The following NRXN1 variants were observed in gnomAD, a reference collection of about 807,000 sequenced individuals.
The protein encoded by NRXN1 is neurexin 1.
In NRXN1, 39 loss-of-function variants were observed where a neutral mutation model predicts 150.9. That is an observed-to-expected ratio of 0.26 (90% CI 0.20 to 0.34). The LOEUF is 0.34. NRXN1 is among the 10% of genes least tolerant of loss of function. The probability of loss-of-function intolerance (pLI) is 1.00; values close to 1 mark genes in which losing one functional copy is unlikely to be tolerated. For missense variants in NRXN1, 1,815 were observed against 1,949.9 expected, an observed-to-expected ratio of 0.93 and a Z score of 1.30; for synonymous variants, 924 against 757.0, an observed-to-expected ratio of 1.22 and a Z score of -3.62.
chr2:50,321,021 GGATT>G (rs1297530540), intron 17 of NRXN1, among the ~76,000 whole-genome samples: 1 of 152,116 alleles, frequency 6.6e-6, no homozygotes. Context: ...CAGGCATTCA[GGATT>G]GATTATTAAC....
chr2:50,402,354 T>G (rs1424757712), intron 17 of NRXN1, among the ~76,000 whole-genome samples: 1 of 152,070 alleles, frequency 6.6e-6, no homozygotes, highest in African/African-American at 2.4e-5. Context: ...ACACCCCTTT[T>G]TTAACATCAA....
At chr2:50,926,832 G>A (rs79089011) in intron 2 of NRXN1, among the ~76,000 whole-genome samples, 10,249 of 151,718 alleles carry the variant, frequency 0.068, 373 homozygotes, top group Middle Eastern at 0.11. Flanking sequence ...GTGTACCTAT[G>A]TATATATGTA....
intron 21 of NRXN1, among the ~76,000 whole-genome samples, chr2:50,043,766 T>A (rs1573577789): frequency 6.6e-6 from 1 of 152,194 alleles, no homozygotes; most frequent in Non-Finnish European, 1.5e-5. Flanking sequence ...TTATAACAGC[T>A]AGCATAGCAT....
chr2:50,746,392 T>A (rs958754124), intron 5 of NRXN1, among the ~76,000 whole-genome samples: 1 of 151,838 alleles, frequency 6.6e-6, no homozygotes, highest in African/African-American at 2.4e-5. Context: ...ACCTCATATC[T>A]ACAAAAAATT....
chr2:50,006,239 T>G (rs1684748445), intron 21 of NRXN1, among the ~76,000 whole-genome samples: 1 of 152,138 alleles, frequency 6.6e-6, no homozygotes, highest in Non-Finnish European at 1.5e-5. Flanking sequence ...ATTACCCTAG[T>G]TCTAATTTTC....
At chr2:50,567,873 T>G (rs1349951009) in intron 8 of NRXN1, among the ~76,000 whole-genome samples, 1 of 152,190 alleles carries the variant, frequency 6.6e-6, no homozygotes, top group Admixed American at 6.6e-5. Context: ...TTTACTCATA[T>G]AATCCTCATG....
intron 9 of NRXN1, among the ~76,000 whole-genome samples, chr2:50,539,172 TG>T: frequency 6.8e-6 from 1 of 147,808 alleles, no homozygotes; most frequent in Admixed American, 6.7e-5. Context: ...TACATAGTTT[TG>T]TTTCCCTTAC....
Position 50,603,986 on chromosome 2 carries a change from C to G in NRXN1, c.1320+16036G>C, listed in dbSNP as rs138246595. On this transcript the variant is annotated intron_variant, in intron 8 of 22. Transcript: ENST00000401669. ...ATCTGGTTTGATTGCTTTGTTTGGG[C>G]AGAAATATGTAAATTTTGCTTGTGT... Among the ~76,000 whole-genome samples, 9 of 152,250 alleles carry G rather than the reference C, an allele frequency of 5.9e-5. No homozygotes were observed. In the East Asian group the frequency reaches 1.7e-3, roughly 29 times the overall value.
chr2:50,352,776 T>TAATAATATA (rs1478736717), intron 17 of NRXN1, among the ~76,000 whole-genome samples: 172 of 84,016 alleles, frequency 2.0e-3, no homozygotes, highest in Admixed American at 2.7e-3. Context: ...ATAATAATAA[T>TAATAATATA]ATTATAATAA....
intron 17 of NRXN1, among the ~76,000 whole-genome samples, chr2:50,447,303 A>C (rs1376263223): frequency 6.6e-6 from 1 of 151,648 alleles, no homozygotes; most frequent in Non-Finnish European, 1.5e-5. Context: ...GTGAAACCCC[A>C]TCTGTACTAT....
chr2:50,859,072 C>A (rs1194638088), intron 5 of NRXN1, among the ~76,000 whole-genome samples: 1 of 152,016 alleles, frequency 6.6e-6, no homozygotes, highest in African/African-American at 2.4e-5. Context: ...TACCCTGTTC[C>A]GAGTTGGTAT....
chr2:50,262,393 A>G (rs1426909378), intron 17 of NRXN1, among the ~76,000 whole-genome samples: 2 of 151,910 alleles, frequency 1.3e-5, no homozygotes, highest in African/African-American at 4.8e-5. Flanking sequence ...TACAAAATCC[A>G]TAGAAATAGT....
chr2:50,456,650 T>A (rs149534639), intron 17 of NRXN1, among the ~76,000 whole-genome samples: 1,635 of 152,206 alleles, frequency 0.011, 19 homozygotes, highest in Middle Eastern at 0.02. Flanking sequence ...CACAATGTTA[T>A]TTTTATCTTG....
intron 18 of NRXN1, among the ~76,000 whole-genome samples, chr2:50,178,755 T>C (rs746814713): frequency 6.6e-5 from 10 of 152,086 alleles, no homozygotes; most frequent in Non-Finnish European, 1.0e-4. Flanking sequence ...ATACATACCA[T>C]AAAGTATTAT....
chr2:50,680,423 G>A (rs1477941497), intron 5 of NRXN1, among the ~76,000 whole-genome samples: 1 of 152,034 alleles, frequency 6.6e-6, no homozygotes, highest in South Asian at 2.1e-4. Context: ...AAAATAGCAA[G>A]CAAGCTTTTG....
intron 17 of NRXN1, among the ~76,000 whole-genome samples, chr2:50,252,408 G>T (rs1194784442): frequency 4.0e-5 from 6 of 151,330 alleles, no homozygotes; most frequent in African/African-American, 1.5e-4. Flanking sequence ...ACAGGCATGT[G>T]CCACCACACT....
At chr2:50,905,185 C>T (rs1257055871) in intron 5 of NRXN1, among the ~76,000 whole-genome samples, 1 of 152,070 alleles carries the variant, frequency 6.6e-6, no homozygotes, top group East Asian at 1.9e-4. Flanking sequence ...CTAATGATCC[C>T]ACCTTTCCTC....
chr2:50,101,991 C>T (rs781463941), intron 18 of NRXN1, among the ~76,000 whole-genome samples: 9 of 151,788 alleles, frequency 5.9e-5, no homozygotes, highest in Admixed American at 3.9e-4. Context: ...ACTAGCTGTC[C>T]GACATCCTTA....
At chr2:50,430,543 G>T (rs1163584568) in intron 17 of NRXN1, among the ~76,000 whole-genome samples, 1 of 152,170 alleles carries the variant, frequency 6.6e-6, no homozygotes, top group Non-Finnish European at 1.5e-5. Flanking sequence ...CCACAGTGAT[G>T]TCTTGGTATA....
Sources: allele counts gnomAD v4.1 joint callset (sites outside exome capture counted in the v4.1 genomes callset), GRCh38; gene constraint gnomAD v4.1.1; transcripts MANE v1.5; gene names NCBI Gene and HGNC (gene_info 2026-07-23, HGNC 2026-07-21).